Variants in RFX2 observed in about 807,000 individuals in gnomAD.
RFX2 encodes regulatory factor X2, also known as DNA-binding protein RFX2.
A neutral mutation model predicts 87.8 loss-of-function variants in RFX2; 20 were observed. The observed-to-expected ratio is 0.23, with a 90% CI of 0.16 to 0.33. RFX2 has a LOEUF of 0.33. Ranked by LOEUF, RFX2 falls within the 10% of genes least tolerant of loss-of-function variation. RFX2 has a pLI of 1.00. For missense variants in RFX2, 767 were observed against 1,012.3 expected (o/e 0.76, Z 3.29); for synonymous variants, 397 against 431.3 (o/e 0.92, Z 0.98).
chr19:6,035,550 C>G (rs1480005703), intron 5 of RFX2, among the ~76,000 whole-genome samples: 1 of 152,158 alleles, frequency 6.6e-6, no homozygotes, highest in East Asian at 1.9e-4. Context: ...CTCGTCGAGG[C>G]TACCAGTGAG....
rs200561386 is a variant in RFX2, at chr19:6,047,440, C to T, written c.57G>A (p.Ser19=). Residue 19 remains serine, a synonymous_variant, in exon 2 of 18, where the codon TCG becomes TCA. Coordinates refer to ENST00000303657, the MANE Select transcript of RFX2 (RefSeq NM_000635.4). This position sits in a 1 kb window ranked among gnomAD's most constrained non-coding sequence, Gnocchi z 4.2. ...DSPASVALRP[S]AAAPPVPASP... Reference sequence around the variant, plus strand: ...AGGCTGGCACAGGCGGGGCTGCCGCCGAGGGACGCAGAGCCACGGACGCTG... The same window carrying T: ...AGGCTGGCACAGGCGGGGCTGCCGCTGAGGGACGCAGAGCCACGGACGCTG... 3,029 of 1,602,652 alleles carry T rather than the reference C, an allele frequency of 1.9e-3. 47 individuals carry two copies. In the East Asian group the frequency reaches 0.027, roughly 14 times the overall value.
At position 6,044,843 on chromosome 19, in the gene RFX2, C is replaced by T. The variant is rs1176846715; in HGVS notation, c.91-561G>A. Among the ~76,000 whole-genome samples the T allele has an allele frequency of 3.3e-5, 5 of 152,180 alleles. No individual in the cohort carries two copies. Among genetic ancestry groups the T allele is most frequent in the African/African-American group, 7.2e-5 (3 of 41,438 alleles). ...GTGCTGCCTCTGGCTACAGAATACT[C>T]GAGTCCAGGTGCCCTGTGTCTGGGT... is the stretch of plus-strand genomic sequence containing the variant. On this transcript the variant is annotated intron_variant, in intron 2 of 17. Coordinates refer to ENST00000303657, the MANE Select transcript of RFX2 (RefSeq NM_000635.4). This position sits in a 1 kb window ranked among gnomAD's most constrained non-coding sequence, Gnocchi z 5.3.
intron 16 of RFX2, among the ~76,000 whole-genome samples, chr19:5,996,624 G>A (rs2086416345): frequency 6.6e-6 from 1 of 152,254 alleles, no homozygotes; most frequent in Non-Finnish European, 1.5e-5. Flanking sequence ...CTGGACAGAG[G>A]TGCCAGCTGC....
chr19:5,996,171 G>A (rs145654032), intron 16 of RFX2, among the ~76,000 whole-genome samples: 1 of 85,124 alleles, frequency 1.2e-5, no homozygotes, highest in African/African-American at 4.8e-5. Flanking sequence ...GCATCATCTC[G>A]TTTCTTCCTG....
chr19:6,078,483 T>G (rs1045060112), intron 1 of RFX2: 1 of 152,096 alleles, frequency 6.6e-6, no homozygotes, highest in Non-Finnish European at 1.5e-5. Context: ...ATGCTGCCAT[T>G]AAAAAGAAGA....
rs2087814234 is a variant in RFX2 at position 6,083,541 on chromosome 19, C to T, written c.-9+26852G>A. 1.4e-5 allele frequency among the ~76,000 whole-genome samples: 2 copies of T among 142,748 alleles called. No homozygotes were observed. Among genetic ancestry groups the T allele is most frequent in the South Asian group, 4.5e-4 (2 of 4,492 alleles). The allele number at this position is 142,748 out of a possible 152,430, so 93.6% of individuals were successfully genotyped here. ...ACAGTAGTGTGCTAGATGTAGTCTGCTGACCCGTTTTTTTTTTTTTTAATT... is the reference window on the plus strand; with the variant it reads ...ACAGTAGTGTGCTAGATGTAGTCTGTTGACCCGTTTTTTTTTTTTTTAATT... On this transcript the variant is annotated intron_variant, in intron 1 of 17. Transcript: ENST00000303657. The surrounding 1 kb of genome is among the most constrained non-coding windows in gnomAD (Gnocchi z 4.6).
intron 1 of RFX2, chr19:6,068,169 A>T: frequency 6.6e-6 from 1 of 152,076 alleles, no homozygotes; most frequent in Non-Finnish European, 1.5e-5. Flanking sequence ...TGCTTAGGGG[A>T]CACGGCTGGG....
intron 1 of RFX2, among the ~76,000 whole-genome samples, chr19:6,090,011 G>T (rs1272211298): frequency 1.3e-5 from 2 of 152,184 alleles, no homozygotes; most frequent in East Asian, 3.9e-4. Context: ...ACTCAGGCTG[G>T]AGTACAGTGG....
intron 5 of RFX2, among the ~76,000 whole-genome samples, chr19:6,037,241 G>A (rs922904711): frequency 6.7e-5 from 10 of 149,050 alleles, no homozygotes; most frequent in East Asian, 2.0e-4. Flanking sequence ...CCCAGATTGC[G>A]CCACTGCACT....
In RFX2 at chr19:6,064,597, C is replaced by T. The variant is rs2087483901; in HGVS notation, c.-8-17093G>A. 6.6e-6 allele frequency among the ~76,000 whole-genome samples: 1 copy of T among 152,234 alleles called. No individual in the cohort carries two copies. The highest frequency in any genetic ancestry group is 1.5e-5 in the Non-Finnish European group (1 of 68,034). On this transcript the variant is annotated intron_variant, in intron 1 of 17. Coordinates refer to ENST00000303657, the MANE Select transcript of RFX2 (RefSeq NM_000635.4). The surrounding 1 kb of genome is among the most constrained non-coding windows in gnomAD (Gnocchi z 4.8). ...TCAGCCTGGTGACCTGACCCGGCAG[C>T]ACGCCCACTGGGCACCTGTGCCCAC...
Position 6,085,591 on chromosome 19 carries a change from T to C in RFX2, c.-9+24802A>G, listed in dbSNP as rs969122156. Among the ~76,000 whole-genome samples the C allele has an allele frequency of 5.9e-5, 9 of 152,348 alleles. 1 individual carries two copies. The highest frequency in any genetic ancestry group is 1.3e-4 in the Admixed American group (2 of 15,308). On this transcript the variant is annotated intron_variant, in intron 1 of 17. Coordinates refer to ENST00000303657, the MANE Select transcript of RFX2 (RefSeq NM_000635.4). Reference sequence around the variant, plus strand: ...TTTTTACTCTGTTGCTACTGTTCTTTGATGCACAAAAGTTTTGAACGCTGA... The same window carrying C: ...TTTTTACTCTGTTGCTACTGTTCTTCGATGCACAAAAGTTTTGAACGCTGA...
chr19:6,066,832 C>G (rs777402401), intron 1 of RFX2, among the ~76,000 whole-genome samples: 1 of 152,188 alleles, frequency 6.6e-6, no homozygotes, highest in Non-Finnish European at 1.5e-5. Flanking sequence ...AGTCCACTCC[C>G]GTTTCCAAGA....
In RFX2 at chr19:6,010,230, C is replaced by T. The variant is rs774609450; in HGVS notation, c.921G>A (p.Thr307=). 2.6e-5 allele frequency: 40 copies of T among 1,547,634 alleles called. No homozygotes were observed. Among genetic ancestry groups the T allele is most frequent in the Admixed American group, 2.4e-4 (12 of 50,990 alleles). Residue 307 remains threonine (T), a synonymous_variant, in exon 9 of 18, where the codon ACG becomes ACA. Transcript: ENST00000303657. The surrounding 1 kb of genome is among the most constrained non-coding windows in gnomAD (Gnocchi z 5.0). ...QKPRYRPAQK[T]DSLGDSGSHS... is the part of the protein sequence containing the mutation. The stretch of plus-strand genomic sequence containing the variant: ...GGGAGCCGCTGTCCCCGAGGCTGTC[C>T]GTCTTCTGGGCTGGCCGGTACCTAG...
intron 1 of RFX2, among the ~76,000 whole-genome samples, chr19:6,051,991 C>A (rs1339393158): frequency 6.6e-6 from 1 of 152,164 alleles, no homozygotes; most frequent in Non-Finnish European, 1.5e-5. Flanking sequence ...CATTCTCCTG[C>A]CTCAGCCTCC....
At chr19:6,025,118 C>A (rs1413563029) in intron 6 of RFX2, among the ~76,000 whole-genome samples, 1 of 152,166 alleles carries the variant, frequency 6.6e-6, no homozygotes, top group African/African-American at 2.4e-5. Context: ...TGTTAAGATG[C>A]CGAACACATT....
chr19:6,051,149 A>G (rs2087261362), intron 1 of RFX2, among the ~76,000 whole-genome samples: 1 of 152,260 alleles, frequency 6.6e-6, no homozygotes, highest in South Asian at 2.1e-4. Flanking sequence ...GAAGTTCTTC[A>G]GAATGAAAGG....
Position 6,044,365 on chromosome 19 carries a change from T to C in RFX2, c.91-83A>G. ...CACACAGAATGTAAGATGCTGTTTG[T>C]CTGTTCATGTGCTTTTTATTAAAAC... is the stretch of plus-strand genomic sequence containing the variant. On this transcript the variant is annotated intron_variant, in intron 2 of 17. Transcript: ENST00000303657. The surrounding 1 kb of genome is among the most constrained non-coding windows in gnomAD (Gnocchi z 5.3). 1.1e-6 allele frequency: 1 copy of C among 881,998 alleles called. No homozygotes were observed. The allele number at this position is 881,998 out of a possible 1,614,324, so 54.6% of individuals were successfully genotyped here.
At chr19:6,058,997 T>C (rs1004569419) in intron 1 of RFX2, among the ~76,000 whole-genome samples, 23 of 152,044 alleles carry the variant, frequency 1.5e-4, no homozygotes, top group African/African-American at 5.3e-4. Flanking sequence ...TTTTTTTTTT[T>C]CAGACAGAGT....
chr19:6,047,580 A>C lies in RFX2; in HGVS notation c.-8-76T>G. On this transcript the variant is annotated intron_variant, in intron 1 of 17. Transcript: ENST00000303657. This position sits in a 1 kb window ranked among gnomAD's most constrained non-coding sequence, Gnocchi z 4.2. ...ATCCGAAGAGGCAACTAACAAGTTC[A>C]AGGGAGGGAAGGAGTAACCAGCTAC... is the stretch of plus-strand genomic sequence containing the variant. 8.6e-7 allele frequency: 1 copy of C among 1,156,664 alleles called. No individual in the cohort carries two copies. The highest frequency in any genetic ancestry group is 1.3e-6 in the Non-Finnish European group (1 of 793,902). 71.7% of individuals were successfully genotyped at this position (1,156,664 alleles called of 1,614,324 possible).
Sources: gnomAD v4.1 joint callset for allele counts (sites outside exome capture counted in the v4.1 genomes callset) on GRCh38, gnomAD v4.1.1 for gene constraint, Gnocchi (gnomAD v3.1) non-coding constraint, MANE v1.5 for transcripts, NCBI Gene and HGNC (gene_info 2026-07-23, HGNC 2026-07-21) for gene names.